Variants in FAM13B observed in about 807,000 individuals in gnomAD.
FAM13B encodes the protein family with sequence similarity 13 member B, also known as protein FAM13B.
A neutral mutation model predicts 117.3 loss-of-function variants in FAM13B; 60 were observed. That is an observed-to-expected ratio of 0.51 (90% confidence interval 0.42 to 0.63). The LOEUF is 0.63. Among genes scored for constraint, FAM13B ranks in the 30% least tolerant of loss-of-function variants. The pLI is 0.00. For missense variants in FAM13B, 972 were observed against 1,091.9 expected, an observed-to-expected ratio of 0.89 and a Z score of 1.55; for synonymous variants, 332 against 356.1, an observed-to-expected ratio of 0.93 and a Z score of 0.76.
intron 1 of FAM13B, among the ~76,000 whole-genome samples, chr5:138,025,870 T>C (rs1788216941): frequency 6.6e-6 from 1 of 152,170 alleles, no homozygotes; most frequent in African/African-American, 2.4e-5. Context: ...CTAGCCAACT[T>C]ACAAATATAC....
chr5:137,977,453 T>C (rs1774352171), intron 10 of FAM13B, among the ~76,000 whole-genome samples: 1 of 152,144 alleles, frequency 6.6e-6, no homozygotes, highest in African/African-American at 2.4e-5. Flanking sequence ...ACTTGCTGGT[T>C]TTACAGCTTG....
At chr5:137,947,136 T>A (rs1260154201) in intron 18 of FAM13B, among the ~76,000 whole-genome samples, 1 of 152,218 alleles carries the variant, frequency 6.6e-6, no homozygotes, top group Non-Finnish European at 1.5e-5. Context: ...GATCAACTAT[T>A]AACACCTGAA....
At chr5:137,990,114 T>C (rs1328956845) in intron 7 of FAM13B, among the ~76,000 whole-genome samples, 1 of 152,262 alleles carries the variant, frequency 6.6e-6, no homozygotes, top group Non-Finnish European at 1.5e-5. Context: ...CTTACATATT[T>C]ACATTTCGGT....
intron 7 of FAM13B, among the ~76,000 whole-genome samples, chr5:137,989,709 T>A (rs955592709): frequency 1.3e-5 from 2 of 152,228 alleles, no homozygotes; most frequent in South Asian, 4.2e-4. Context: ...ATGCCTGTAG[T>A]CCTAGCTACT....
rs371773674 is a variant in FAM13B at position 137,962,439 on chromosome 5, C to T, written c.1210G>A (p.Asp404Asn). The change falls in exon 11 of 24, where the codon GAC becomes AAC. Residue 404 changes from aspartate (D) to asparagine (N), a missense_variant. Physicochemically the swap from Asp to Asn is conservative, Grantham distance 23. Transcript: ENST00000689681. Reference sequence around the variant, plus strand: ...CAGCCATCTTCACTATCACCACGGTCACTGCATGGCTCTAACAATATACCT... The same window carrying T: ...CAGCCATCTTCACTATCACCACGGTTACTGCATGGCTCTAACAATATACCT... ...SVGILLEPCS[D>N]RGDSEDGCLE... The T allele has an allele frequency of 1.1e-5, 18 of 1,613,704 alleles. No homozygotes were observed. The highest frequency in any genetic ancestry group is 1.4e-5 in the Non-Finnish European group (17 of 1,179,828).
At chr5:138,023,300 G>T (rs1041754933) in intron 1 of FAM13B, among the ~76,000 whole-genome samples, 3 of 152,146 alleles carry the variant, frequency 2.0e-5, no homozygotes, top group African/African-American at 7.2e-5. Context: ...TGAGGATGTT[G>T]ACGGATATAG....
chr5:138,011,870 A>G lies in FAM13B; in HGVS notation c.446T>C (p.Leu149Ser). The stretch of plus-strand genomic sequence containing the variant: ...TAAAAATCTACACAGAAACTTTAAC[A>G]AACTATAATTAACAGGTGGAAGCTG... ...LQQLPPVNYSLLKFLCRFLAN... is the reference protein window; with the variant it reads ...LQQLPPVNYSSLKFLCRFLAN... The change falls in exon 5 of 24, where the codon TTG becomes TCG. Residue 149 changes from leucine to serine, a missense_variant. Transcript: ENST00000689681. The G allele has an allele frequency of 6.2e-7, 1 of 1,603,548 alleles. No homozygotes were observed. Among genetic ancestry groups the G allele is most frequent in the Non-Finnish European group, 8.5e-7 (1 of 1,177,142 alleles).
chr5:137,996,393 C>T (rs1451726096), intron 7 of FAM13B, among the ~76,000 whole-genome samples: 1 of 152,062 alleles, frequency 6.6e-6, no homozygotes, highest in Non-Finnish European at 1.5e-5. Flanking sequence ...CCCATCTCAG[C>T]CTCCCAAAGT....
At chr5:137,995,790 G>A (rs1779715646) in intron 7 of FAM13B, among the ~76,000 whole-genome samples, 1 of 152,164 alleles carries the variant, frequency 6.6e-6, no homozygotes, top group Non-Finnish European at 1.5e-5. Context: ...ATTTACAGGA[G>A]ACGGAAAAGA....
At chr5:138,014,999 T>C (rs924325261) in intron 4 of FAM13B, among the ~76,000 whole-genome samples, 1 of 152,242 alleles carries the variant, frequency 6.6e-6, no homozygotes, top group African/African-American at 2.4e-5. Flanking sequence ...ATGTTCTAAC[T>C]AATCCACAAA....
At chr5:138,043,418 C>G (rs981828381) in intron 1 of FAM13B, among the ~76,000 whole-genome samples, 2 of 150,268 alleles carry the variant, frequency 1.3e-5, no homozygotes, top group Non-Finnish European at 3.0e-5. Context: ...CTTGTTCGGG[C>G]ATTATTCTTT....
At chr5:137,977,102 C>T (rs1774251392) in intron 10 of FAM13B, among the ~76,000 whole-genome samples, 2 of 152,124 alleles carry the variant, frequency 1.3e-5, no homozygotes, top group African/African-American at 4.8e-5. Flanking sequence ...CTGAAATGGC[C>T]TCCTTGGGTG....
chr5:137,938,160 G>C lies in FAM13B; in HGVS notation c.*2065C>G, dbSNP rs1373257037. 1.3e-5 allele frequency: 2 copies of C among 152,468 alleles called. No individual in the cohort carries two copies. Among genetic ancestry groups the C allele is most frequent in the Non-Finnish European group, 2.9e-5 (2 of 68,002 alleles). The allele number at this position is 152,468 out of a possible 1,614,324, so 9.4% of individuals were successfully genotyped here. A position where few individuals can be genotyped will look rare whatever the true frequency, so the allele number is the denominator to read the frequency against. On this transcript the variant is annotated 3_prime_UTR_variant, in exon 24 of 24. Transcript: ENST00000689681. ...AACTATGACACACAATACTGTCACA[G>C]AGCATAAGTGCTGCCATGCCACTTT...
intron 4 of FAM13B, among the ~76,000 whole-genome samples, chr5:138,018,075 C>T (rs973497945): frequency 6.6e-6 from 1 of 152,200 alleles, no homozygotes; most frequent in African/African-American, 2.4e-5. Context: ...CTTCTTCACC[C>T]TGTTTCTTAG....
chr5:138,016,331 G>A (rs1290547516), intron 4 of FAM13B, among the ~76,000 whole-genome samples: 1 of 152,164 alleles, frequency 6.6e-6, no homozygotes, highest in Non-Finnish European at 1.5e-5. Context: ...ACCAGGCCAG[G>A]TACAATGGCT....
intron 7 of FAM13B, among the ~76,000 whole-genome samples, chr5:138,004,328 G>A (rs986064424): frequency 7.6e-5 from 7 of 91,952 alleles, no homozygotes; most frequent in African/African-American, 2.7e-4. Flanking sequence ...GAGCAAAGGA[G>A]GATCCTCTAC....
At chr5:138,025,407 A>C (rs1788106300) in intron 1 of FAM13B, among the ~76,000 whole-genome samples, 1 of 147,144 alleles carries the variant, frequency 6.8e-6, no homozygotes, top group African/African-American at 2.6e-5. Context: ...TCCTGGGCTC[A>C]AGCAAACCTC....
At chr5:137,963,821 G>C (rs1035778512) in intron 10 of FAM13B, among the ~76,000 whole-genome samples, 1 of 152,150 alleles carries the variant, frequency 6.6e-6, no homozygotes, top group African/African-American at 2.4e-5. Context: ...GTGCAAACAA[G>C]GGATCTAGGT....
chr5:137,995,877 A>T (rs1779737960), intron 7 of FAM13B, among the ~76,000 whole-genome samples: 1 of 152,156 alleles, frequency 6.6e-6, no homozygotes, highest in South Asian at 2.1e-4. Context: ...TTTCCTCATG[A>T]CCCAGAGCAT....
Sources: gnomAD v4.1 joint callset for allele counts (sites outside exome capture counted in the v4.1 genomes callset) on GRCh38, gnomAD v4.1.1 for gene constraint, MANE v1.5 for transcripts, NCBI Gene and HGNC (gene_info 2026-07-23, HGNC 2026-07-21) for gene names.